SCN8A: variants seen among roughly 807,000 people sequenced by gnomAD.
SCN8A encodes sodium voltage-gated channel alpha subunit 8.
SCN8A carries 30 observed loss-of-function variants against 184.1 expected under a neutral mutation model. The ratio of observed to expected loss-of-function variants is 0.16; its 90% confidence interval spans 0.12 to 0.22. The LOEUF is 0.22. Among genes scored for constraint, SCN8A ranks in the 10% least tolerant of loss-of-function variants. The pLI, the probability that SCN8A is intolerant of heterozygous loss-of-function variation, is 1.00. For missense variants in SCN8A, 1,057 were observed against 2,498.9 expected, an observed-to-expected ratio of 0.42 and a Z score of 12.30; for synonymous variants, 852 against 907.0, an observed-to-expected ratio of 0.94 and a Z score of 1.09.
chr12:51,651,037 G>A, intron 1 of SCN8A, among the ~76,000 whole-genome samples: 1 of 152,240 alleles, frequency 6.6e-6, no homozygotes. Context: ...GCAGCAGCAT[G>A]TCCTTAAGGC....
intron 14 of SCN8A, among the ~76,000 whole-genome samples, chr12:51,755,538 G>A (rs1462789223): frequency 6.6e-6 from 1 of 152,106 alleles, no homozygotes; most frequent in African/African-American, 2.4e-5. Flanking sequence ...GATCTAGGCT[G>A]AGTATCAGCT....
At chr12:51,739,186 A>G (rs1942378119) in intron 12 of SCN8A, among the ~76,000 whole-genome samples, 3 of 152,024 alleles carry the variant, frequency 2.0e-5, no homozygotes, top group Non-Finnish European at 4.4e-5. Context: ...AAATTCTTTG[A>G]GTAATTTAAA....
At chr12:51,702,672 C>G in intron 8 of SCN8A, 101 bp from the exon 9 acceptor site, 1 of 929,062 alleles carries the variant, frequency 1.1e-6, no homozygotes, top group Non-Finnish European at 1.4e-6. Flanking sequence ...TTATTATCTC[C>G]AAGGTCATGG....
chr12:51,804,099 G>T (rs532026610), intron 26 of SCN8A, among the ~76,000 whole-genome samples: 11 of 152,164 alleles, frequency 7.2e-5, no homozygotes, highest in Non-Finnish European at 1.3e-4. Context: ...CCTTCCCTTC[G>T]GTTGTCATTT....
At chr12:51,782,840 T>A (rs1055307141) in intron 21 of SCN8A, among the ~76,000 whole-genome samples, 1 of 152,226 alleles carries the variant, frequency 6.6e-6, no homozygotes, top group African/African-American at 2.4e-5. Context: ...ACCCTCAGTT[T>A]CCAGTCCCCT....
intron 6 of SCN8A, among the ~76,000 whole-genome samples, chr12:51,696,093 C>T (rs531341929): frequency 1.3e-4 from 20 of 152,176 alleles, no homozygotes; most frequent in African/African-American, 4.6e-4. Flanking sequence ...ACTCTTGTTA[C>T]TAATACAAAA....
intron 1 of SCN8A, among the ~76,000 whole-genome samples, chr12:51,614,982 G>A (rs1429454817): frequency 1.3e-5 from 2 of 151,816 alleles, no homozygotes; most frequent in African/African-American, 2.4e-5. Flanking sequence ...TTAACTGAAA[G>A]TTTATGCCCA....
chr12:51,645,400 G>C (rs971332692), intron 1 of SCN8A, among the ~76,000 whole-genome samples: 16 of 147,192 alleles, frequency 1.1e-4, no homozygotes, highest in East Asian at 1.0e-3. Context: ...GCCCGGCCGC[G>C]CCTACTGGGA....
At chr12:51,636,789 G>A (rs1940327667) in intron 1 of SCN8A, among the ~76,000 whole-genome samples, 1 of 152,222 alleles carries the variant, frequency 6.6e-6, no homozygotes, top group Admixed American at 6.5e-5. Context: ...TGTGGAGTAT[G>A]TGATGATTAA....
At chr12:51,608,847 A>G (rs972239978) in intron 1 of SCN8A, among the ~76,000 whole-genome samples, 1 of 152,236 alleles carries the variant, frequency 6.6e-6, no homozygotes, top group East Asian at 1.9e-4. Flanking sequence ...ATGCTCTTAC[A>G]GTCTTTTTGA....
chr12:51,803,276 G>A (rs59646014), intron 26 of SCN8A, among the ~76,000 whole-genome samples: 28,620 of 151,920 alleles, frequency 0.19, 3,311 homozygotes, highest in East Asian at 0.4. Flanking sequence ...CATCCAGCGC[G>A]GGAGGAGATG....
chr12:51,688,955 T>TTGTGTC (rs751912610), intron 5 of SCN8A, 50 bp from the exon 6 acceptor site: 1 of 1,583,346 alleles, frequency 6.3e-7, no homozygotes, highest in Admixed American at 1.7e-5. Context: ...GTGTTTGTGT[T>TTGTGTC]TGTGTCTGTG....
chr12:51,765,640 AT>A (rs1350436677), intron 15 of SCN8A, 30 bp from the exon 16 acceptor site: 3 of 1,282,524 alleles, frequency 2.3e-6, no homozygotes, highest in East Asian at 2.5e-5. Flanking sequence ...AGTATCATTT[AT>A]TTTTTTGTTT....
At chr12:51,603,929 A>G (rs1361672543) in intron 1 of SCN8A, among the ~76,000 whole-genome samples, 2 of 152,030 alleles carry the variant, frequency 1.3e-5, no homozygotes, top group Admixed American at 6.6e-5. Flanking sequence ...GAGTTTTGAG[A>G]TTTTTGTTTT....
chr12:51,706,943 A>C (rs1174416505), intron 11 of SCN8A, among the ~76,000 whole-genome samples: 2 of 152,088 alleles, frequency 1.3e-5, no homozygotes, highest in African/African-American at 4.8e-5. Context: ...TTTAGCTCCC[A>C]CGTATGAGTG....
rs56163627 is a variant in SCN8A, at chr12:51,618,458, AACACACACACACACAC to A, written c.-55+27135_-55+27150del. ...AGTCCAGGCCAAGAGATACCAGAGC[AACACACACACACACAC>A]ACACACACACACACACACACACACA... On this transcript the variant is annotated intron_variant, in intron 1 of 26. Transcript: ENST00000627620. 3.7e-3 allele frequency among the ~76,000 whole-genome samples: 513 copies of A among 138,830 alleles called. 3 individuals are homozygous for A. The highest frequency in any genetic ancestry group is 5.4e-3 in the South Asian group (22 of 4,044). The allele number at this position is 138,830 out of a possible 152,430, so 91.1% of individuals were successfully genotyped here.
chr12:51,711,101 C>G (rs1941867796), intron 11 of SCN8A, among the ~76,000 whole-genome samples: 1 of 152,204 alleles, frequency 6.6e-6, no homozygotes, highest in Non-Finnish European at 1.5e-5. Flanking sequence ...AGTTCAGCCT[C>G]TTTTGGGGAA....
At chr12:51,771,656 G>C (rs1220690955) in intron 19 of SCN8A, among the ~76,000 whole-genome samples, 1 of 152,182 alleles carries the variant, frequency 6.6e-6, no homozygotes, top group Non-Finnish European at 1.5e-5. Flanking sequence ...CAGGATTAAA[G>C]TAGGAGGCAA....
chr12:51,651,663 CA>C (rs1386875474), intron 1 of SCN8A, among the ~76,000 whole-genome samples: 1 of 152,244 alleles, frequency 6.6e-6, no homozygotes, highest in African/African-American at 2.4e-5. Flanking sequence ...GTCATTCCCA[CA>C]ACGTGGGAAT....
Sources: allele counts gnomAD v4.1 joint callset (sites outside exome capture counted in the v4.1 genomes callset), GRCh38; gene constraint gnomAD v4.1.1; transcripts MANE v1.5; gene names NCBI Gene and HGNC (gene_info 2026-07-23, HGNC 2026-07-21).